Variants in MICALL1 observed in about 807,000 individuals in gnomAD.
The protein encoded by MICALL1 is MICAL-like protein 1.
Under a neutral mutation model 83.7 loss-of-function variants are expected in MICALL1, and 61 were observed. The observed-to-expected ratio is 0.73, with a 90% CI of 0.59 to 0.90. MICALL1 has a LOEUF of 0.90. MICALL1 is among the 40% of genes least tolerant of loss of function. The probability of loss-of-function intolerance (pLI) is 0.00; values close to 1 mark genes in which losing one functional copy is unlikely to be tolerated. For missense variants in MICALL1, 1,066 were observed against 1,152.0 expected, an observed-to-expected ratio of 0.93 and a Z score of 1.08; for synonymous variants, 481 against 473.6, an observed-to-expected ratio of 1.02 and a Z score of -0.20.
intron 13 of MICALL1, among the ~76,000 whole-genome samples, chr22:37,933,356 G>C (rs757474263): frequency 7.9e-5 from 12 of 152,136 alleles, no homozygotes; most frequent in Admixed American, 3.9e-4. Flanking sequence ...GGGTGTGGAC[G>C]TCCGAGGGAC....
chr22:37,935,370 C>T (rs1930053675), intron 13 of MICALL1, among the ~76,000 whole-genome samples: 2 of 152,062 alleles, frequency 1.3e-5, no homozygotes, highest in African/African-American at 2.4e-5. Context: ...ACGCCATTCT[C>T]CTGCCTCAGC....
rs747641487 is a variant in MICALL1 at position 37,922,152 on chromosome 22, G to A, written c.750G>A (p.Lys250=). The change falls in exon 6 of 16, where the codon AAG becomes AAA. Residue 250 remains lysine (K), a synonymous_variant. Coordinates refer to ENST00000215957, the MANE Select transcript of MICALL1 (RefSeq NM_033386.4). ...AGCAGCAACTCGCAGAAGATGCCAAGGATGTTCCAGGAGGCGGCCCCAGCT... is the reference window on the plus strand; with the variant it reads ...AGCAGCAACTCGCAGAAGATGCCAAAGATGTTCCAGGAGGCGGCCCCAGCT... ...QHQQQLAEDA[K]DVPGGGPSSS... is the part of the protein sequence containing the mutation. 1.2e-6 allele frequency: 2 copies of A among 1,613,124 alleles called. No individual in the cohort carries two copies. Among genetic ancestry groups the A allele is most frequent in the Admixed American group, 1.7e-5 (1 of 60,008 alleles).
chr22:37,913,850 T>C (rs1041710318), intron 3 of MICALL1, among the ~76,000 whole-genome samples: 2 of 150,920 alleles, frequency 1.3e-5, no homozygotes, highest in African/African-American at 4.9e-5. Context: ...GCCTCTGCTG[T>C]CGGTCTAGAC....
At chr22:37,921,437 G>A (rs1929024439) in intron 5 of MICALL1, among the ~76,000 whole-genome samples, 1 of 152,130 alleles carries the variant, frequency 6.6e-6, no homozygotes, top group African/African-American at 2.4e-5. Context: ...GCCAGGTGTG[G>A]TGGCAGATGC....
At chr22:37,920,641 G>A (rs972679746) in intron 5 of MICALL1, among the ~76,000 whole-genome samples, 3 of 151,764 alleles carry the variant, frequency 2.0e-5, no homozygotes, top group African/African-American at 4.9e-5. Flanking sequence ...AAAAAATTAG[G>A]CCAGGCGCAA....
At chr22:37,927,872 G>A in intron 9 of MICALL1, 46 bp downstream of exon 9, 1 of 1,537,972 alleles carries the variant, frequency 6.5e-7, no homozygotes, top group South Asian at 1.2e-5. Flanking sequence ...CTCTCTAGTG[G>A]ATGCGGGTCT....
At position 37,924,550 on chromosome 22, in the gene MICALL1, G is replaced by A; in HGVS notation, c.1025-110G>A. ...GGCTGGCCTGGGGAGGTGCGAGGGTGCCAGGAGGAAGGCGGGGCGCTCCTG... is the reference window on the plus strand; with the variant it reads ...GGCTGGCCTGGGGAGGTGCGAGGGTACCAGGAGGAAGGCGGGGCGCTCCTG... On this transcript the variant is annotated intron_variant, in intron 6 of 15. Transcript: ENST00000215957. This position sits in a 1 kb window ranked among gnomAD's most constrained non-coding sequence, Gnocchi z 5.2. The A allele has an allele frequency of 1.9e-6, 2 of 1,027,668 alleles. No homozygotes were observed. The highest frequency in any genetic ancestry group is 1.5e-5 in the South Asian group (1 of 67,542). 63.7% of individuals were successfully genotyped at this position (1,027,668 alleles called of 1,614,324 possible). A position where few individuals can be genotyped will look rare whatever the true frequency, so the allele number is the denominator to read the frequency against.
chr22:37,913,416 G>A (rs188629477), intron 3 of MICALL1, among the ~76,000 whole-genome samples: 20 of 152,308 alleles, frequency 1.3e-4, no homozygotes, highest in Non-Finnish European at 2.4e-4. Context: ...AGCAGGTTGC[G>A]TTCATCCGCT....
At position 37,924,603 on chromosome 22, in the gene MICALL1, T is replaced by C; in HGVS notation, c.1025-57T>C. The C allele has an allele frequency of 6.4e-7, 1 of 1,569,442 alleles. No homozygotes were observed. ...GAGGCAGGTGCTGTGGCTGGCTCCC[T>C]GGGTGCCCACCTCCTGCTGCCCATG... On this transcript the variant is annotated intron_variant, in intron 6 of 15. Transcript: ENST00000215957. This position sits in a 1 kb window ranked among gnomAD's most constrained non-coding sequence, Gnocchi z 5.2.
At chr22:37,919,208 G>A (rs748240957) in intron 5 of MICALL1, 30 bp downstream of exon 5, 4 of 1,489,268 alleles carry the variant, frequency 2.7e-6, no homozygotes, top group South Asian at 1.3e-5. Context: ...TGTTACCCCC[G>A]AAACCAGGGA....
Position 37,911,939 on chromosome 22 carries a change from T to C in MICALL1, c.147-13T>C, listed in dbSNP as rs750481942. Reference sequence around the variant, plus strand: ...CCCCTCTTGACCAACCCTCCTCCCTTTGCCTCTTGCAGAGATTTTGATTCG... The same window carrying C: ...CCCCTCTTGACCAACCCTCCTCCCTCTGCCTCTTGCAGAGATTTTGATTCG... On this transcript the variant is annotated splice_polypyrimidine_tract_variant and intron_variant, in intron 1 of 15. Coordinates refer to ENST00000215957, the MANE Select transcript of MICALL1 (RefSeq NM_033386.4). 32 of 1,613,930 alleles carry C rather than the reference T, an allele frequency of 2.0e-5. No homozygotes were observed. Among genetic ancestry groups the C allele is most frequent in the Non-Finnish European group, 2.5e-5 (30 of 1,179,896 alleles).
At position 37,922,545 on chromosome 22, in the gene MICALL1, T is replaced by C. The variant is rs1929118501; in HGVS notation, c.1024+119T>C. On this transcript the variant is annotated intron_variant, in intron 6 of 15. Transcript: ENST00000215957. ...CCATCTGTGCCATTGTGTGCTGTGC[T>C]GTGTTGGGGCCTGCCTGTGTTTTTG... 3 of 572,658 alleles carry C rather than the reference T, an allele frequency of 5.2e-6. No homozygotes were observed. In the Admixed American group the frequency reaches 1.1e-4, roughly 21 times the overall value. The allele number at this position is 572,658 out of a possible 1,614,324, so 35.5% of individuals were successfully genotyped here.
At chr22:37,908,464 CTAAT>C (rs1174198442) in intron 1 of MICALL1, among the ~76,000 whole-genome samples, 2 of 151,944 alleles carry the variant, frequency 1.3e-5, no homozygotes, top group African/African-American at 4.8e-5. Flanking sequence ...CCACGCCTGT[CTAAT>C]TTGTTTGTAT....
At position 37,941,284 on chromosome 22, in the gene MICALL1, CTCTG is replaced by C. The variant is rs1229127498; in HGVS notation, c.*458_*461del. The stretch of plus-strand genomic sequence containing the variant: ...TCCTGCCCCATCCCTGGCTCTGAGT[CTCTG>C]TCTTCCTGTCCTGTGCAGGCGCCCT... On this transcript the variant is annotated 3_prime_UTR_variant, in exon 16 of 16. Coordinates refer to ENST00000215957, the MANE Select transcript of MICALL1 (RefSeq NM_033386.4). 5.9e-6 allele frequency: 1 copy of C among 169,966 alleles called. No individual in the cohort carries two copies. Among genetic ancestry groups the C allele is most frequent in the Non-Finnish European group, 1.3e-5 (1 of 77,668 alleles). 10.5% of individuals were successfully genotyped at this position (169,966 alleles called of 1,614,324 possible). A position where few individuals can be genotyped will look rare whatever the true frequency, so the allele number is the denominator to read the frequency against.
At chr22:37,921,906 G>T in intron 5 of MICALL1, 66 bp from the exon 6 acceptor site, 1 of 1,462,114 alleles carries the variant, frequency 6.8e-7, no homozygotes, top group South Asian at 1.4e-5. Flanking sequence ...GGGTGCGGCT[G>T]GAGGGGTAGC....
chr22:37,933,612 C>T (rs2145943828), intron 13 of MICALL1, among the ~76,000 whole-genome samples: 1 of 152,286 alleles, frequency 6.6e-6, no homozygotes, highest in East Asian at 1.9e-4. Context: ...GGGCTGATGG[C>T]TGATGGTTAC....
chr22:37,912,854 G>A (rs1353450632), intron 3 of MICALL1, among the ~76,000 whole-genome samples: 1 of 151,878 alleles, frequency 6.6e-6, no homozygotes, highest in Non-Finnish European at 1.5e-5. Context: ...GTAGAGACAG[G>A]GTTTCACTAT....
Position 37,919,158 on chromosome 22 carries a change from G to C in MICALL1, c.549G>C (p.Leu183=), listed in dbSNP as rs1171866828. 2.6e-6 allele frequency: 4 copies of C among 1,544,720 alleles called. No individual in the cohort carries two copies. Among genetic ancestry groups the C allele is most frequent in the Non-Finnish European group, 3.5e-6 (4 of 1,142,750 alleles). ...LVQRYLADGR[L]YHRHCFRCRR... Reference sequence around the variant, plus strand: ...AGCGCTACCTGGCTGACGGCAGGCTGTACCATCGCCACTGCTTCCGGTGAG... The same window carrying C: ...AGCGCTACCTGGCTGACGGCAGGCTCTACCATCGCCACTGCTTCCGGTGAG... The change falls in exon 5 of 16, where the codon CTG becomes CTC. Residue 183 remains leucine (L), a synonymous_variant. Coordinates refer to ENST00000215957, the MANE Select transcript of MICALL1 (RefSeq NM_033386.4).
rs1929717298 is a variant in MICALL1, at chr22:37,930,281, C to A, written c.1882-1518C>A. 6.6e-6 allele frequency among the ~76,000 whole-genome samples: 1 copy of A among 152,122 alleles called. No homozygotes were observed. The highest frequency in any genetic ancestry group is 2.1e-4 in the South Asian group (1 of 4,822). ...CACTTGCTTGTGGGGAACCCCTGTC[C>A]CACTGTCACCCCAGGATTAGGGGAG... On this transcript the variant is annotated intron_variant, in intron 9 of 15. Coordinates refer to ENST00000215957, the MANE Select transcript of MICALL1 (RefSeq NM_033386.4). The surrounding 1 kb of genome is among the most constrained non-coding windows in gnomAD (Gnocchi z 4.8).
Sources: gnomAD v4.1 joint callset for allele counts (sites outside exome capture counted in the v4.1 genomes callset) on GRCh38, gnomAD v4.1.1 for gene constraint, Gnocchi (gnomAD v3.1) non-coding constraint, MANE v1.5 for transcripts, NCBI Gene and HGNC (gene_info 2026-07-23, HGNC 2026-07-21) for gene names.